Variants in ACSS3 observed in about 807,000 individuals in gnomAD.
ACSS3 encodes the protein acyl-CoA synthetase short-chain family member 3, mitochondrial.
A neutral mutation model predicts 84.2 loss-of-function variants in ACSS3; 64 were observed. The ratio of observed to expected loss-of-function variants is 0.76; its 90% CI spans 0.62 to 0.94. The LOEUF (loss-of-function observed/expected upper bound fraction) is 0.94. Ranked by LOEUF, ACSS3 falls within the 40% of genes least tolerant of loss-of-function variation. The pLI is 0.00. For missense variants in ACSS3, 815 were observed against 867.6 expected (o/e 0.94, Z 0.76); for synonymous variants, 317 against 310.1 (o/e 1.02, Z -0.23).
chr12:81,172,419 A>G (rs1196995952), intron 7 of ACSS3, among the ~76,000 whole-genome samples: 10 of 152,070 alleles, frequency 6.6e-5, no homozygotes, highest in Non-Finnish European at 1.3e-4. Context: ...ATCCCAGCAC[A>G]GTTGTTCTGT....
At chr12:81,251,668 C>CAAAAAAAAAAAAAAAAAAA (rs71098134) in intron 13 of ACSS3, among the ~76,000 whole-genome samples, 18 of 87,794 alleles carry the variant, frequency 2.1e-4, no homozygotes, top group Middle Eastern at 8.2e-3. Context: ...CCCATCTCTA[C>CAAAAAAAAAAAAAAAAAAA]AAAAAAAAAA....
chr12:81,157,969 C>CACACAA (rs1491033393), intron 7 of ACSS3, among the ~76,000 whole-genome samples: 2 of 143,024 alleles, frequency 1.4e-5, no homozygotes, highest in African/African-American at 5.1e-5. Flanking sequence ...CACACACACA[C>CACACAA]AAATCCCATA....
intron 2 of ACSS3, among the ~76,000 whole-genome samples, chr12:81,132,827 G>A (rs568550325): frequency 6.6e-6 from 1 of 152,228 alleles, no homozygotes; most frequent in East Asian, 1.9e-4. Flanking sequence ...CTTTGGCTAT[G>A]ACTAGCTATT....
intron 1 of ACSS3, among the ~76,000 whole-genome samples, chr12:81,088,019 G>A (rs779347050): frequency 2.4e-4 from 37 of 152,050 alleles, no homozygotes; most frequent in Non-Finnish European, 5.4e-4. Context: ...TTTCTCGTCT[G>A]TTCTCTTCTG....
Position 81,216,928 on chromosome 12 carries a change from G to A in ACSS3, c.1382G>A (p.Cys461Tyr). The change falls in exon 10 of 16, where the codon TGT becomes TAT. Residue 461 changes from cysteine (C) to tyrosine (Y), a missense_variant. Transcript: ENST00000548058. ...TETGSPITAS[C>Y]VGLGNSKTPP... The stretch of plus-strand genomic sequence containing the variant: ...ACTGGATCTCCAATTACTGCGTCAT[G>A]TGTTGGATTAGGCAATTCTAAAACA... The A allele has an allele frequency of 6.2e-7, 1 of 1,611,234 alleles. No homozygotes were observed. Among genetic ancestry groups the A allele is most frequent in the Non-Finnish European group, 8.5e-7 (1 of 1,177,910 alleles).
chr12:81,226,144 C>G (rs1295204565), intron 11 of ACSS3, among the ~76,000 whole-genome samples: 3 of 151,886 alleles, frequency 2.0e-5, no homozygotes, highest in African/African-American at 7.2e-5. Context: ...TGAGAAAACT[C>G]AAAACATCTT....
intron 1 of ACSS3, among the ~76,000 whole-genome samples, chr12:81,088,320 A>G (rs1278939501): frequency 2.0e-5 from 3 of 152,096 alleles, no homozygotes; most frequent in South Asian, 2.1e-4. Context: ...AGATTTTGCA[A>G]TCGTTACCGT....
At chr12:81,159,616 A>G (rs150330612) in intron 7 of ACSS3, among the ~76,000 whole-genome samples, 39 of 152,366 alleles carry the variant, frequency 2.6e-4, no homozygotes, top group African/African-American at 9.1e-4. Context: ...AATCTACTTC[A>G]TTAATAGAGC....
At chr12:81,103,943 G>A (rs1475274775) in intron 1 of ACSS3, among the ~76,000 whole-genome samples, 1 of 152,038 alleles carries the variant, frequency 6.6e-6, no homozygotes, top group Non-Finnish European at 1.5e-5. Flanking sequence ...TGCTTCATAG[G>A]GAAAGGTTTT....
At chr12:81,166,298 A>G (rs564313361) in intron 7 of ACSS3, among the ~76,000 whole-genome samples, 1 of 152,314 alleles carries the variant, frequency 6.6e-6, no homozygotes, top group African/African-American at 2.4e-5. Flanking sequence ...AGCTAGGACA[A>G]CCAATATAAT....
At chr12:81,253,467 G>A (rs2034214743) in intron 14 of ACSS3, 28 bp from the exon 15 acceptor site, 1 of 1,613,468 alleles carries the variant, frequency 6.2e-7, no homozygotes, top group African/African-American at 1.3e-5. Context: ...GGTTAATTCA[G>A]TGCTTACCAT....
At chr12:81,202,295 T>G (rs1220038159) in intron 9 of ACSS3, among the ~76,000 whole-genome samples, 1 of 151,528 alleles carries the variant, frequency 6.6e-6, no homozygotes, top group Non-Finnish European at 1.5e-5. Context: ...AATAAATAAA[T>G]AAATAAATAA....
chr12:81,139,645 A>T (rs551516888), intron 4 of ACSS3, among the ~76,000 whole-genome samples: 4,014 of 146,852 alleles, frequency 0.027, 84 homozygotes, highest in African/African-American at 0.044. Flanking sequence ...AATTATTGTT[A>T]TTTTTTTTTG....
At chr12:81,165,903 A>AT in intron 7 of ACSS3, among the ~76,000 whole-genome samples, 1 of 152,336 alleles carries the variant, frequency 6.6e-6, no homozygotes, top group East Asian at 1.9e-4. Flanking sequence ...ATTATTATTG[A>AT]TTGAGTGTTG....
chr12:81,199,762 C>T (rs2135897383), intron 9 of ACSS3: 1 of 1,075,302 alleles, frequency 9.3e-7, no homozygotes, highest in Non-Finnish European at 1.3e-6. Flanking sequence ...TGGGTTCATT[C>T]CACCTTCAGT....
chr12:81,214,677 T>G (rs1166451247), intron 9 of ACSS3, among the ~76,000 whole-genome samples: 1 of 152,194 alleles, frequency 6.6e-6, no homozygotes, highest in African/African-American at 2.4e-5. Flanking sequence ...CTTGCAGCTT[T>G]ATTTAAGACT....
At chr12:81,210,489 T>C (rs1195269237) in intron 9 of ACSS3, among the ~76,000 whole-genome samples, 1 of 151,750 alleles carries the variant, frequency 6.6e-6, no homozygotes, top group Non-Finnish European at 1.5e-5. Context: ...CACAATAGTA[T>C]AGCAAAATAA....
intron 13 of ACSS3, among the ~76,000 whole-genome samples, chr12:81,245,733 G>A (rs2033962945): frequency 6.6e-6 from 1 of 152,160 alleles, no homozygotes; most frequent in East Asian, 1.9e-4. Flanking sequence ...TTTTGGGGGA[G>A]TGGTTTTCCC....
At chr12:81,218,955 T>C (rs565787630) in intron 10 of ACSS3, among the ~76,000 whole-genome samples, 1 of 152,114 alleles carries the variant, frequency 6.6e-6, no homozygotes, top group East Asian at 1.9e-4. Context: ...AAACGCAGGA[T>C]CCTTTTAGGA....
Sources: allele counts gnomAD v4.1 joint callset (sites outside exome capture counted in the v4.1 genomes callset), GRCh38; gene constraint gnomAD v4.1.1; transcripts MANE v1.5; gene names NCBI Gene and HGNC (gene_info 2026-07-23, HGNC 2026-07-21).